Variants in WLS observed in about 807,000 individuals in gnomAD.
WLS encodes the protein Wnt ligand secretion mediator, also known as protein wntless homolog.
A neutral mutation model predicts 62.8 loss-of-function variants in WLS; 23 were observed. The observed-to-expected ratio is 0.37, with a 90% CI of 0.26 to 0.52. The LOEUF (loss-of-function observed/expected upper bound fraction) is 0.52. WLS is among the 20% of genes least tolerant of loss of function. WLS has a pLI of 0.92. For synonymous variants in WLS, 246 were observed against 244.1 expected (o/e 1.01, Z -0.07); for missense variants, 615 against 697.3 (o/e 0.88, Z 1.33).
intron 2 of WLS, chr1:68,162,995 G>T: frequency 6.3e-7 from 1 of 1,592,452 alleles, no homozygotes; most frequent in Non-Finnish European, 8.6e-7. Context: ...CCAGGGGGCA[G>T]GAGTGCAGGG....
intron 10 of WLS, chr1:68,141,542 G>A (rs1038878416): frequency 1.3e-5 from 2 of 152,176 alleles, no homozygotes; most frequent in Non-Finnish European, 2.9e-5. Flanking sequence ...AAAGCCTCAA[G>A]GTCACTGCAT....
At chr1:68,137,281 A>T (rs2419342) in intron 11 of WLS, among the ~76,000 whole-genome samples, 145,710 of 152,068 alleles carry the variant, frequency 0.96, 70,033 homozygotes, top group South Asian at 1. Flanking sequence ...GACAGGAAGA[A>T]CTGGGGACAG....
intron 11 of WLS, among the ~76,000 whole-genome samples, chr1:68,114,699 A>G (rs72668877): frequency 0.073 from 11,137 of 152,278 alleles, 568 homozygotes; most frequent in African/African-American, 0.15. Context: ...CCCTCGAGCC[A>G]GCCCCTGAAG....
intron 11 of WLS, among the ~76,000 whole-genome samples, chr1:68,110,651 A>ATCTCCCTCTCTCTCTCTCTCTC (rs1553123051): frequency 7.9e-6 from 1 of 126,152 alleles, no homozygotes; most frequent in African/African-American, 3.1e-5. Flanking sequence ...GCCCCCAAAA[A>ATCTCCCTCTCTCTCTCTCTCTC]TCTCTGTCTC....
chr1:68,195,470 G>A (rs952800428), intron 1 of WLS, among the ~76,000 whole-genome samples: 1 of 152,160 alleles, frequency 6.6e-6, no homozygotes, highest in Non-Finnish European at 1.5e-5. Flanking sequence ...TAAAATATTA[G>A]CCATTATATC....
chr1:68,177,836 C>A (rs1423888474), intron 2 of WLS, among the ~76,000 whole-genome samples: 1 of 152,178 alleles, frequency 6.6e-6, no homozygotes, highest in Non-Finnish European at 1.5e-5. Context: ...GTATCCAGCA[C>A]TTACTATGTA....
intron 3 of WLS, among the ~76,000 whole-genome samples, chr1:68,157,742 G>C (rs1022816105): frequency 6.6e-6 from 1 of 152,136 alleles, no homozygotes; most frequent in African/African-American, 2.4e-5. Flanking sequence ...TTTCTTGCAA[G>C]GGATCAACAC....
chr1:68,162,789 G>A, intron 2 of WLS: 3 of 1,119,424 alleles, frequency 2.7e-6, no homozygotes, highest in Admixed American at 1.7e-5. Flanking sequence ...CTATCTGCAC[G>A]ATCACTCTCG....
intron 11 of WLS, among the ~76,000 whole-genome samples, chr1:68,104,573 G>A (rs1413090027): frequency 2.0e-5 from 3 of 152,140 alleles, no homozygotes; most frequent in African/African-American, 4.8e-5. Flanking sequence ...CTCCTTGCCT[G>A]CTTTTGCTGT....
intron 2 of WLS, among the ~76,000 whole-genome samples, chr1:68,176,071 T>C (rs1318779299): frequency 6.6e-6 from 1 of 152,158 alleles, no homozygotes; most frequent in Non-Finnish European, 1.5e-5. Context: ...GGGATACAAA[T>C]GAGAGCAGGC....
chr1:68,136,345 G>T (rs1335058403), intron 11 of WLS, among the ~76,000 whole-genome samples: 1 of 152,212 alleles, frequency 6.6e-6, no homozygotes, highest in African/African-American at 2.4e-5. Context: ...TCCAGCAGGA[G>T]CATAAAGGCA....
intron 2 of WLS, among the ~76,000 whole-genome samples, chr1:68,169,457 C>T (rs181180515): frequency 1.1e-3 from 173 of 152,304 alleles, no homozygotes; most frequent in Admixed American, 2.0e-3. Context: ...TAACTCAACA[C>T]GTTCACCCTG....
chr1:68,139,079 T>TA (rs1235852002), intron 10 of WLS, among the ~76,000 whole-genome samples: 4 of 152,242 alleles, frequency 2.6e-5, no homozygotes, highest in African/African-American at 7.2e-5. Context: ...GAGTGTCAGT[T>TA]AACCACATTA....
intron 2 of WLS, among the ~76,000 whole-genome samples, chr1:68,190,299 A>C (rs947328492): frequency 6.6e-6 from 1 of 152,034 alleles, no homozygotes; most frequent in Admixed American, 6.6e-5. Flanking sequence ...TGAAACTGTG[A>C]CTCCATTGAA....
chr1:68,220,548 A>G (rs1362266648), intron 1 of WLS, among the ~76,000 whole-genome samples: 1 of 152,210 alleles, frequency 6.6e-6, no homozygotes, highest in Non-Finnish European at 1.5e-5. Context: ...CAAAGAGATA[A>G]ATCAGATCAC....
intron 2 of WLS, chr1:68,162,988 G>T: frequency 1.3e-6 from 2 of 1,591,030 alleles, no homozygotes; most frequent in Non-Finnish European, 1.7e-6. Context: ...AGCGCCACCA[G>T]GGGGCAGGAG....
At chr1:68,148,476 T>TC (rs1323517503) in intron 7 of WLS, 87 bp downstream of exon 7, 31 of 1,399,968 alleles carry the variant, frequency 2.2e-5, no homozygotes, top group Non-Finnish European at 3.1e-5. Context: ...CGACCACCAT[T>TC]CTCCTTTTCA....
At chr1:68,106,574 C>G (rs1043821382) in intron 11 of WLS, among the ~76,000 whole-genome samples, 3 of 152,198 alleles carry the variant, frequency 2.0e-5, no homozygotes, top group Admixed American at 6.5e-5. Flanking sequence ...GTGTCCCTTG[C>G]AAACCTAGGT....
At chr1:68,209,924 A>AT (rs1349143367) in intron 1 of WLS, among the ~76,000 whole-genome samples, 2 of 152,248 alleles carry the variant, frequency 1.3e-5, no homozygotes, top group Non-Finnish European at 2.9e-5. Flanking sequence ...TCCCAGGTCC[A>AT]TAGTCTCTCC....
Sources: gnomAD v4.1 joint callset for allele counts (sites outside exome capture counted in the v4.1 genomes callset) on GRCh38, gnomAD v4.1.1 for gene constraint, MANE v1.5 for transcripts, NCBI Gene and HGNC (gene_info 2026-07-23, HGNC 2026-07-21) for gene names.